The following TAOK3 variants were observed in gnomAD, a reference collection of about 807,000 sequenced individuals.
TAOK3 encodes the protein serine/threonine-protein kinase TAO3.
TAOK3 carries 40 observed loss-of-function variants against 120.4 expected under a neutral mutation model. That is an observed-to-expected ratio of 0.33 (90% confidence interval 0.26 to 0.43). TAOK3 has a LOEUF of 0.43. TAOK3 is among the 20% of genes least tolerant of loss of function. The pLI is 1.00. For synonymous variants in TAOK3, 355 were observed against 387.5 expected (o/e 0.92, Z 0.99); for missense variants, 821 against 1,112.1 (o/e 0.74, Z 3.72).
intron 3 of TAOK3, chr12:118,246,019 A>C (rs1342771821): frequency 4.5e-6 from 3 of 664,788 alleles, no homozygotes; most frequent in Non-Finnish European, 7.3e-6. Context: ...GCAAAATAGT[A>C]ATAATGTGAG....
intron 9 of TAOK3, among the ~76,000 whole-genome samples, chr12:118,218,753 G>A (rs770085539): frequency 6.6e-5 from 10 of 151,852 alleles, no homozygotes; most frequent in Non-Finnish European, 1.0e-4. Context: ...TTAAAACCAC[G>A]TGGAAGCCTG....
chr12:118,362,123 T>C (rs2045616582), intron 1 of TAOK3, among the ~76,000 whole-genome samples: 1 of 152,102 alleles, frequency 6.6e-6, no homozygotes, highest in African/African-American at 2.4e-5. Flanking sequence ...AAATATTTAT[T>C]GTGCAACTAC....
intron 1 of TAOK3, among the ~76,000 whole-genome samples, chr12:118,366,600 T>C (rs1209236099): frequency 6.6e-6 from 1 of 152,206 alleles, no homozygotes; most frequent in Non-Finnish European, 1.5e-5. Flanking sequence ...ATAAGTACTT[T>C]GATAACTGAC....
chr12:118,164,087 C>A (rs2035412776), intron 17 of TAOK3, among the ~76,000 whole-genome samples: 1 of 151,572 alleles, frequency 6.6e-6, no homozygotes, highest in Admixed American at 6.6e-5. Flanking sequence ...CTTTGGGAGG[C>A]CGAGGCGGGT....
chr12:118,315,361 T>C (rs998238459), intron 1 of TAOK3, among the ~76,000 whole-genome samples: 4 of 152,180 alleles, frequency 2.6e-5, no homozygotes, highest in African/African-American at 9.7e-5. Flanking sequence ...TTTATCAATA[T>C]AGACACATTT....
intron 2 of TAOK3, among the ~76,000 whole-genome samples, chr12:118,266,353 C>T (rs1341590943): frequency 3.9e-5 from 5 of 129,242 alleles, no homozygotes; most frequent in Non-Finnish European, 8.1e-5. Context: ...CCACCACGCC[C>T]GGCTAATTTT....
intron 9 of TAOK3, among the ~76,000 whole-genome samples, chr12:118,218,657 C>G (rs1272676180): frequency 6.7e-6 from 1 of 150,150 alleles, no homozygotes. Context: ...AGACTCAACC[C>G]TCCTTTTTTT....
At chr12:118,284,826 A>C (rs1271112817) in intron 1 of TAOK3, among the ~76,000 whole-genome samples, 1 of 152,152 alleles carries the variant, frequency 6.6e-6, no homozygotes, top group Non-Finnish European at 1.5e-5. Context: ...AGCGAATGTC[A>C]TGAAAGCTAA....
At chr12:118,290,184 T>C (rs1422962139) in intron 1 of TAOK3, among the ~76,000 whole-genome samples, 1 of 152,144 alleles carries the variant, frequency 6.6e-6, no homozygotes, top group African/African-American at 2.4e-5. Flanking sequence ...ATGTACAGGA[T>C]GTAAGATCCA....
intron 1 of TAOK3, among the ~76,000 whole-genome samples, chr12:118,369,206 A>C (rs1378442253): frequency 1.3e-5 from 2 of 152,076 alleles, no homozygotes; most frequent in Non-Finnish European, 2.9e-5. Context: ...AAATTAAATA[A>C]ATAAATAAGC....
chr12:118,262,002 A>G (rs1048711353), intron 2 of TAOK3, among the ~76,000 whole-genome samples: 4 of 152,044 alleles, frequency 2.6e-5, no homozygotes, highest in African/African-American at 9.7e-5. Context: ...CTAGGATTAC[A>G]GGCATGCACC....
At chr12:118,333,112 G>C (rs2044220493) in intron 1 of TAOK3, among the ~76,000 whole-genome samples, 11 of 151,968 alleles carry the variant, frequency 7.2e-5, no homozygotes, top group Admixed American at 7.2e-4. Context: ...CAAAAGAATT[G>C]AACAGTGCTA....
At chr12:118,265,483 G>A (rs1166432061) in intron 2 of TAOK3, among the ~76,000 whole-genome samples, 1 of 151,110 alleles carries the variant, frequency 6.6e-6, no homozygotes, top group Non-Finnish European at 1.5e-5. Flanking sequence ...AAAGAGACAG[G>A]TAGGAAAACA....
At chr12:118,192,060 C>T (rs1565926417) in intron 13 of TAOK3, among the ~76,000 whole-genome samples, 2 of 152,016 alleles carry the variant, frequency 1.3e-5, no homozygotes, top group African/African-American at 2.4e-5. Flanking sequence ...CAGGGCAGAC[C>T]AAAACAAAAT....
At chr12:118,167,694 C>G (rs1394632427) in intron 17 of TAOK3, among the ~76,000 whole-genome samples, 12 of 144,026 alleles carry the variant, frequency 8.3e-5, no homozygotes, top group African/African-American at 2.8e-4. Context: ...CCTTTTTTTG[C>G]AAAATGACTC....
intron 1 of TAOK3, among the ~76,000 whole-genome samples, chr12:118,334,249 A>T (rs1369268089): frequency 2.0e-5 from 3 of 152,106 alleles, no homozygotes; most frequent in Non-Finnish European, 4.4e-5. Context: ...ATACTTTTTT[A>T]AAATTGTGGT....
chr12:118,287,686 G>A (rs557360390), intron 1 of TAOK3, among the ~76,000 whole-genome samples: 4 of 152,046 alleles, frequency 2.6e-5, no homozygotes, highest in Admixed American at 2.0e-4. Context: ...ATTTCAACTC[G>A]AAAAGTCTAT....
intron 1 of TAOK3, among the ~76,000 whole-genome samples, chr12:118,321,339 C>T (rs538893842): frequency 9.8e-4 from 149 of 152,270 alleles, no homozygotes; most frequent in African/African-American, 3.3e-3. Context: ...CGGCTCACTG[C>T]AACCTCGACC....
intron 3 of TAOK3, among the ~76,000 whole-genome samples, chr12:118,245,894 G>C (rs1237021330): frequency 1.3e-5 from 2 of 152,132 alleles, no homozygotes; most frequent in African/African-American, 4.8e-5. Flanking sequence ...AATATGATAT[G>C]ACCATATAAT....
Sources: allele counts gnomAD v4.1 joint callset (sites outside exome capture counted in the v4.1 genomes callset), GRCh38; gene constraint gnomAD v4.1.1; transcripts MANE v1.5; gene names NCBI Gene and HGNC (gene_info 2026-07-23, HGNC 2026-07-21).